Variants in IQCB1 observed in about 807,000 individuals in gnomAD.
IQCB1 encodes IQ calmodulin-binding motif-containing protein 1.
In IQCB1, 56 loss-of-function variants were observed where a neutral mutation model predicts 84.4. That is an observed-to-expected ratio of 0.66 (90% CI 0.54 to 0.83). The LOEUF (loss-of-function observed/expected upper bound fraction) is 0.83. IQCB1 is among the 40% of genes least tolerant of loss of function. The pLI is 0.00. For synonymous variants in IQCB1, 210 were observed against 234.8 expected, an observed-to-expected ratio of 0.89 and a Z score of 0.96; for missense variants, 629 against 682.1, an observed-to-expected ratio of 0.92 and a Z score of 0.87.
intron 10 of IQCB1, among the ~76,000 whole-genome samples, chr3:121,792,758 T>C (rs1226992922): frequency 6.6e-6 from 1 of 152,092 alleles, no homozygotes; most frequent in Non-Finnish European, 1.5e-5. Flanking sequence ...TTTACTTTCA[T>C]ATCTGAAAAC....
chr3:121,807,963 T>G (rs1949671834), intron 6 of IQCB1, among the ~76,000 whole-genome samples: 1 of 152,016 alleles, frequency 6.6e-6, no homozygotes, highest in Non-Finnish European at 1.5e-5. Context: ...GATTTAGCAC[T>G]GGATACTTAT....
In IQCB1 at chr3:121,772,652, T is replaced by G. The variant is rs1213811918; in HGVS notation, c.1472A>C (p.Gln491Pro). Reference sequence around the variant, plus strand: ...TAGGGCCCTGCCCATAAAGTAGTGTTGCAGTCGTTCTTGAGCTTGGGCATG... The same window carrying G: ...TAGGGCCCTGCCCATAAAGTAGTGTGGCAGTCGTTCTTGAGCTTGGGCATG... ...ELHAQAQERL[Q>P]HYFMGRALEE... is the part of the protein sequence containing the mutation. The change falls in exon 14 of 15, where the codon CAA (glutamine) becomes CCA (proline). Residue 491 changes from glutamine to proline, a missense_variant. Physicochemically the swap from Gln to Pro is moderately conservative, Grantham distance 76 (BLOSUM62 -1). Coordinates refer to ENST00000310864, the MANE Select transcript of IQCB1 (RefSeq NM_001023570.4). 1 of 1,614,246 alleles carries G rather than the reference T, an allele frequency of 6.2e-7. No individual in the cohort carries two copies. Among genetic ancestry groups the G allele is most frequent in the Admixed American group, 1.7e-5 (1 of 60,024 alleles).
chr3:121,810,477 T>C (rs1277979690), intron 5 of IQCB1, among the ~76,000 whole-genome samples: 1 of 151,682 alleles, frequency 6.6e-6, no homozygotes, highest in Non-Finnish European at 1.5e-5. Context: ...AATACAATAA[T>C]AAAGGACAGA....
intron 7 of IQCB1, among the ~76,000 whole-genome samples, chr3:121,802,719 T>C (rs1949452223): frequency 6.6e-6 from 1 of 152,140 alleles, no homozygotes. Context: ...TCCCCCTTCT[T>C]TTCCTAGTTT....
intron 10 of IQCB1, among the ~76,000 whole-genome samples, chr3:121,791,908 T>G (rs1038052720): frequency 2.6e-5 from 4 of 152,010 alleles, no homozygotes; most frequent in African/African-American, 9.7e-5. Flanking sequence ...CTGGCCAACA[T>G]AGCGAAACCC....
intron 2 of IQCB1, among the ~76,000 whole-genome samples, chr3:121,831,607 C>A (rs535851599): frequency 6.6e-4 from 100 of 152,270 alleles, no homozygotes; most frequent in African/African-American, 2.3e-3. Flanking sequence ...CTGACCCTAT[C>A]TCCAAGTAGA....
Position 121,799,269 on chromosome 3 carries a change from T to C in IQCB1, c.693A>G (p.Thr231=), listed in dbSNP as rs750700698. Residue 231 remains threonine (T), a synonymous_variant, in exon 8 of 15, where the codon ACA becomes ACG. Coordinates refer to ENST00000310864, the MANE Select transcript of IQCB1 (RefSeq NM_001023570.4). ...TPSPVIRSTA[T]KLLLLMAESH... ...ATTCAGCCATCAACAGTAGGAGTTT[T>C]GTAGCAGTACTTCTTATAACTGGAC... 2.5e-6 allele frequency: 4 copies of C among 1,610,768 alleles called. No homozygotes were observed. The highest frequency in any genetic ancestry group is 1.1e-5 in the South Asian group (1 of 90,878).
At chr3:121,809,417 T>C (rs1350532599) in intron 5 of IQCB1, among the ~76,000 whole-genome samples, 1 of 152,010 alleles carries the variant, frequency 6.6e-6, no homozygotes, top group Non-Finnish European at 1.5e-5. Flanking sequence ...GGTGGTTGAT[T>C]TGGTTTTACA....
At chr3:121,789,863 G>A (rs578234330) in intron 11 of IQCB1, among the ~76,000 whole-genome samples, 37 of 152,200 alleles carry the variant, frequency 2.4e-4, no homozygotes, top group African/African-American at 6.3e-4. Flanking sequence ...AAAACTGGTG[G>A]GGAGATTGTT....
intron 10 of IQCB1, among the ~76,000 whole-genome samples, chr3:121,793,625 T>C (rs1222924845): frequency 6.6e-6 from 1 of 152,196 alleles, no homozygotes; most frequent in Non-Finnish European, 1.5e-5. Flanking sequence ...AGAACCGCAT[T>C]TCAGTATATT....
intron 5 of IQCB1, among the ~76,000 whole-genome samples, chr3:121,810,763 A>G (rs1191342489): frequency 6.6e-6 from 1 of 152,178 alleles, no homozygotes. Flanking sequence ...GTGATTTGCT[A>G]TAGAACCTAG....
chr3:121,810,018 C>T (rs760423071), intron 5 of IQCB1, among the ~76,000 whole-genome samples: 34 of 151,020 alleles, frequency 2.3e-4, no homozygotes, highest in Non-Finnish European at 3.8e-4. Context: ...AGGAAGCTAC[C>T]TTTGCCAGAG....
intron 7 of IQCB1, among the ~76,000 whole-genome samples, chr3:121,800,459 TGAAA>T (rs1949363203): frequency 6.6e-6 from 1 of 151,942 alleles, no homozygotes; most frequent in African/African-American, 2.4e-5. Flanking sequence ...ATCTCTGAGT[TGAAA>T]GACTTTATAA....
chr3:121,799,161 G>C, intron 8 of IQCB1, 35 bp downstream of exon 8: 3 of 1,539,604 alleles, frequency 1.9e-6, no homozygotes, highest in Non-Finnish European at 2.7e-6. Flanking sequence ...TTTTCTTTTT[G>C]AGAATCCCAA....
At chr3:121,772,963 T>C (rs1948065626) in intron 13 of IQCB1, among the ~76,000 whole-genome samples, 1 of 122,614 alleles carries the variant, frequency 8.2e-6, no homozygotes, top group Non-Finnish European at 1.8e-5. Flanking sequence ...TCAGACACTG[T>C]GGAATTATGG....
intron 12 of IQCB1, 75 bp from the exon 13 acceptor site, chr3:121,781,949 G>A: frequency 7.2e-7 from 1 of 1,384,634 alleles, no homozygotes; most frequent in Non-Finnish European, 1.0e-6. Flanking sequence ...TACAACATAT[G>A]GTAGTGATCA....
chr3:121,770,500 T>C lies in IQCB1; in HGVS notation c.1642A>G (p.Lys548Glu). ...FLSRSRPVAA[K>E]AKQAHLTTLK... ...GTTGTGAGATGGGCCTGCTTGGCCTTGGCTGCCACAGGCCTGGATCTACTT... is the reference window on the plus strand; with the variant it reads ...GTTGTGAGATGGGCCTGCTTGGCCTCGGCTGCCACAGGCCTGGATCTACTT... Residue 548 changes from lysine to glutamate, a missense_variant, in exon 15 of 15, where the codon AAG becomes GAG. Coordinates refer to ENST00000310864, the MANE Select transcript of IQCB1 (RefSeq NM_001023570.4). 6.2e-7 allele frequency: 1 copy of C among 1,614,178 alleles called. No individual in the cohort carries two copies. Among genetic ancestry groups the C allele is most frequent in the Non-Finnish European group, 8.5e-7 (1 of 1,179,986 alleles).
chr3:121,791,401 T>C (rs1396861281), intron 10 of IQCB1, among the ~76,000 whole-genome samples: 2 of 152,224 alleles, frequency 1.3e-5, no homozygotes, highest in African/African-American at 4.8e-5. Flanking sequence ...TCTCATAAAT[T>C]CTTCCATCAA....
At chr3:121,818,432 C>A (rs896557107) in intron 5 of IQCB1, among the ~76,000 whole-genome samples, 5 of 152,146 alleles carry the variant, frequency 3.3e-5, no homozygotes, top group African/African-American at 9.7e-5. Context: ...CTACATTCCC[C>A]ATATGGAGCT....
Sources: gnomAD v4.1 joint callset for allele counts (sites outside exome capture counted in the v4.1 genomes callset) on GRCh38, gnomAD v4.1.1 for gene constraint, MANE v1.5 for transcripts, NCBI Gene and HGNC (gene_info 2026-07-23, HGNC 2026-07-21) for gene names.